MECOM: variants seen among roughly 807,000 people sequenced by gnomAD.
MECOM encodes histone-lysine N-methyltransferase MECOM.
A neutral mutation model predicts 116.3 loss-of-function variants in MECOM; 13 were observed. The observed-to-expected ratio is 0.11, with a 90% CI of 0.07 to 0.18. MECOM has a LOEUF of 0.18. MECOM is among the 10% of genes least tolerant of loss of function. The pLI is 1.00. For missense variants in MECOM, 1,299 were observed against 1,509.0 expected (o/e 0.86, Z 2.31); for synonymous variants, 528 against 535.2 (o/e 0.99, Z 0.19).
intron 2 of MECOM, among the ~76,000 whole-genome samples, chr3:169,216,793 G>A (rs1560005381): frequency 6.6e-6 from 1 of 152,000 alleles, no homozygotes; most frequent in Non-Finnish European, 1.5e-5. Context: ...ATACAGATAT[G>A]CATAGCAAAA....
intron 2 of MECOM, among the ~76,000 whole-genome samples, chr3:169,176,442 C>T (rs1004101414): frequency 3.9e-5 from 6 of 152,124 alleles, no homozygotes; most frequent in African/African-American, 1.4e-4. Flanking sequence ...GGACTCCTTC[C>T]TTACACCTTA....
chr3:169,474,793 G>A lies in MECOM; in HGVS notation c.38-93269C>T, dbSNP rs902421008. On this transcript the variant is annotated intron_variant, in intron 1 of 16. Coordinates refer to ENST00000651503, the MANE Select transcript of MECOM (RefSeq NM_004991.4). Reference sequence around the variant, plus strand: ...CAGAATGATTCTGCAGGTGAGAAGAGATAACTGATATATATTAGCTTAGTG... The same window carrying A: ...CAGAATGATTCTGCAGGTGAGAAGAAATAACTGATATATATTAGCTTAGTG... 1.3e-4 allele frequency among the ~76,000 whole-genome samples: 20 copies of A among 148,608 alleles called. 1 individual carries two copies. The highest frequency in any genetic ancestry group is 1.3e-3 in the South Asian group (6 of 4,638).
intron 1 of MECOM, among the ~76,000 whole-genome samples, chr3:169,469,240 G>A: frequency 6.6e-6 from 1 of 152,110 alleles, no homozygotes. Flanking sequence ...TGGTGAGAGT[G>A]CTCCTAGCAG....
intron 2 of MECOM, among the ~76,000 whole-genome samples, chr3:169,332,593 C>T (rs57602114): frequency 6.6e-6 from 1 of 152,008 alleles, no homozygotes; most frequent in African/African-American, 2.4e-5. Flanking sequence ...AAAATACAAT[C>T]GACTTTACTA....
At position 169,433,645 on chromosome 3, in the gene MECOM, G is replaced by GAAAGAA. The variant is rs765007919; in HGVS notation, c.38-52127_38-52122dup. On this transcript the variant is annotated intron_variant, in intron 1 of 16. Coordinates refer to ENST00000651503, the MANE Select transcript of MECOM (RefSeq NM_004991.4). ...GAAAAGAAAGAAAGAGAAAGAGAAA[G>GAAAGAA]AAAGAAAGAAAGAAAGAAAGAAAGA... Among the ~76,000 whole-genome samples, 50 of 111,958 alleles carry GAAAGAA rather than the reference G, an allele frequency of 4.5e-4. 1 individual carries two copies. The Middle Eastern group carries it at 0.014, about 31-fold the overall frequency. The allele number at this position is 111,958 out of a possible 152,430, so 73.4% of individuals were successfully genotyped here. A position where few individuals can be genotyped will look rare whatever the true frequency, so the allele number is the denominator to read the frequency against.
chr3:169,107,941 A>G lies in MECOM; in HGVS notation c.2589T>C (p.Pro863=), dbSNP rs754861633. 2.5e-6 allele frequency: 4 copies of G among 1,612,902 alleles called. No individual in the cohort carries two copies. In the South Asian group the frequency reaches 3.3e-5, roughly 13 times the overall value. ...GFLFHPQFQL[P]DQRTWMSAIE... ...GGAAACTTACCCAAGTTCTCTGATC[A>G]GGCAGTTGGAACTGGGAGCAAAATT... Residue 863 remains proline, a synonymous_variant, in exon 10 of 17, where the codon CCT becomes CCC. Transcript: ENST00000651503.
intron 1 of MECOM, among the ~76,000 whole-genome samples, chr3:169,418,569 C>A (rs568671290): frequency 5.3e-5 from 8 of 152,290 alleles, no homozygotes; most frequent in Non-Finnish European, 1.2e-4. Context: ...GGCTTCACCC[C>A]TGGGATGCAA....
At chr3:169,212,358 T>C (rs553525275) in intron 2 of MECOM, among the ~76,000 whole-genome samples, 4 of 151,896 alleles carry the variant, frequency 2.6e-5, no homozygotes, top group African/African-American at 9.7e-5. Context: ...ACTCAGACGC[T>C]TTATACCATG....
intron 2 of MECOM, among the ~76,000 whole-genome samples, chr3:169,287,645 A>AT (rs1421149814): frequency 6.6e-6 from 1 of 151,954 alleles, no homozygotes; most frequent in Admixed American, 6.6e-5. Flanking sequence ...TCCTATATTC[A>AT]TTTTTTTCAT....
Position 169,503,279 on chromosome 3 carries a change from C to G in MECOM, c.38-121755G>C, listed in dbSNP as rs142244576. Among the ~76,000 whole-genome samples, 119 of 152,228 alleles carry G rather than the reference C, an allele frequency of 7.8e-4. 1 individual carries two copies. Among genetic ancestry groups the G allele is most frequent in the African/African-American group, 2.4e-3 (99 of 41,546 alleles). ...GAGAGATGTCAGTATAGAGCTTTAT[C>G]CCTCCAATTCCCAGAGGCTTAGACA... On this transcript the variant is annotated intron_variant, in intron 1 of 16. Transcript: ENST00000651503.
At chr3:169,527,840 G>A (rs368719154) in intron 1 of MECOM, among the ~76,000 whole-genome samples, 2 of 152,166 alleles carry the variant, frequency 1.3e-5, no homozygotes, top group South Asian at 4.1e-4. Flanking sequence ...AAAAACACAG[G>A]AGCCTGGGTC....
At chr3:169,475,284 AATATAACCATTTTAG>A (rs1180531188) in intron 1 of MECOM, among the ~76,000 whole-genome samples, 13 of 152,194 alleles carry the variant, frequency 8.5e-5, no homozygotes, top group Admixed American at 6.5e-4. Context: ...TGATTATCCT[AATATAACCATTTTAG>A]TTCTAACCCT....
At chr3:169,504,086 C>T (rs1411209430) in intron 1 of MECOM, among the ~76,000 whole-genome samples, 2 of 151,154 alleles carry the variant, frequency 1.3e-5, no homozygotes, top group Non-Finnish European at 1.5e-5. Context: ...TCAAAAGGCA[C>T]ACTTTGTTCA....
At chr3:169,575,765 G>C (rs889176224) in intron 1 of MECOM, among the ~76,000 whole-genome samples, 2 of 152,084 alleles carry the variant, frequency 1.3e-5, no homozygotes, top group Non-Finnish European at 2.9e-5. Context: ...ATCAGTTAAG[G>C]GGGGAAACAG....
At chr3:169,378,463 AAGCAAGCAAGCAAGAAAGAGAGAG>A (rs1176793565) in intron 2 of MECOM, among the ~76,000 whole-genome samples, 1 of 56,070 alleles carries the variant, frequency 1.8e-5, no homozygotes, top group African/African-American at 1.2e-4. Context: ...GAAAGCAAGC[AAGCAAGCAAGCAAGAAAGAGAGAG>A]AGAAAGAAAG....
At chr3:169,388,999 G>C (rs1475996886) in intron 1 of MECOM, among the ~76,000 whole-genome samples, 1 of 152,188 alleles carries the variant, frequency 6.6e-6, no homozygotes, top group Non-Finnish European at 1.5e-5. Flanking sequence ...GATACGGATG[G>C]AAAATAAGGG....
chr3:169,457,067 C>A (rs1172529928), intron 1 of MECOM, among the ~76,000 whole-genome samples: 1 of 152,128 alleles, frequency 6.6e-6, no homozygotes, highest in African/African-American at 2.4e-5. Flanking sequence ...CATTGCCATC[C>A]AATCCCTCCA....
chr3:169,412,014 G>A (rs1180494909), intron 1 of MECOM, among the ~76,000 whole-genome samples: 1 of 150,146 alleles, frequency 6.7e-6, no homozygotes, highest in Admixed American at 6.6e-5. Flanking sequence ...GGCTGGGCAC[G>A]GTGGTTCATG....
intron 1 of MECOM, among the ~76,000 whole-genome samples, chr3:169,420,535 A>G (rs999442870): frequency 6.6e-6 from 1 of 152,188 alleles, no homozygotes; most frequent in African/African-American, 2.4e-5. Flanking sequence ...AATGAGGCAA[A>G]TAGCAAACAT....
Sources: allele counts gnomAD v4.1 joint callset (sites outside exome capture counted in the v4.1 genomes callset), GRCh38; gene constraint gnomAD v4.1.1; transcripts MANE v1.5; gene names NCBI Gene and HGNC (gene_info 2026-07-23, HGNC 2026-07-21).